Variants in BCAM observed in about 807,000 individuals in gnomAD.
BCAM encodes the protein basal cell adhesion molecule.
In BCAM, 61 loss-of-function variants were observed where a neutral mutation model predicts 72.4. The observed-to-expected ratio is 0.84, with a 90% CI of 0.69 to 1.04. The LOEUF (loss-of-function observed/expected upper bound fraction) is 1.04. Among genes scored for constraint, BCAM ranks in the 50% least tolerant of loss-of-function variants. The pLI, the probability that BCAM is intolerant of heterozygous loss-of-function variation, is 0.00. For missense variants in BCAM, 909 were observed against 895.0 expected, an observed-to-expected ratio of 1.02 and a Z score of -0.20; for synonymous variants, 408 against 384.2, an observed-to-expected ratio of 1.06 and a Z score of -0.73.
At chr19:44,819,251 C>T in intron 11 of BCAM, 59 bp downstream of exon 11, 1 of 1,611,076 alleles carries the variant, frequency 6.2e-7, no homozygotes, top group Non-Finnish European at 8.5e-7. Context: ...ATCACACCCT[C>T]CTTTCCACTT....
chr19:44,812,718 G>A lies in BCAM; in HGVS notation c.504+170G>A. 1.4e-6 allele frequency: 1 copy of A among 716,884 alleles called. No individual in the cohort carries two copies. Among genetic ancestry groups the A allele is most frequent in the African/African-American group, 1.8e-5 (1 of 55,914 alleles). The allele number at this position is 716,884 out of a possible 1,614,324, so 44.4% of individuals were successfully genotyped here. A position where few individuals can be genotyped will look rare whatever the true frequency, so the allele number is the denominator to read the frequency against. ...TAATCCCAGCATTTTGGGAGGCAGA[G>A]GCAGGCGGATCACCTGAGGTCAGGA... On this transcript the variant is annotated intron_variant, in intron 4 of 14. Coordinates refer to ENST00000270233, the MANE Select transcript of BCAM (RefSeq NM_005581.5). The surrounding 1 kb of genome is among the most constrained non-coding windows in gnomAD (Gnocchi z 5.3).
At chr19:44,819,277 G>A (rs113651096) in intron 11 of BCAM, 69 bp from the exon 12 acceptor site, 14 of 1,610,062 alleles carry the variant, frequency 8.7e-6, no homozygotes, top group South Asian at 3.3e-5. Context: ...GAGACTGGAC[G>A]TCGTTCACCT....
At position 44,814,141 on chromosome 19, in the gene BCAM, C is replaced by A; in HGVS notation, c.785-11C>A. 6.3e-7 allele frequency: 1 copy of A among 1,576,654 alleles called. No homozygotes were observed. The highest frequency in any genetic ancestry group is 1.1e-5 in the South Asian group (1 of 87,814). ...CTGATCACAATTCCCATCTCCCTGC[C>A]CTTCCCTTAGATCCCACGGAGCACG... On this transcript the variant is annotated splice_polypyrimidine_tract_variant and intron_variant, in intron 6 of 14. Transcript: ENST00000270233. This position sits in a 1 kb window ranked among gnomAD's most constrained non-coding sequence, Gnocchi z 4.6.
chr19:44,814,659 G>T lies in BCAM; in HGVS notation c.977G>T (p.Gly326Val). 6.2e-7 allele frequency: 1 copy of T among 1,614,170 alleles called. No homozygotes were observed. The highest frequency in any genetic ancestry group is 8.5e-7 in the Non-Finnish European group (1 of 1,180,040). The change falls in exon 8 of 15, where the codon GGA (glycine) becomes GTA (valine). Residue 326 changes from glycine to valine, a missense_variant. Transcript: ENST00000270233. This position sits in a 1 kb window ranked among gnomAD's most constrained non-coding sequence, Gnocchi z 4.6. Reference protein sequence around the residue: ...VNLEGNLTLEGVTRGQSGTYG... With the variant: ...VNLEGNLTLEVVTRGQSGTYG... ...CTCGAGGGGAACTTGACCCTGGAGG[G>T]AGTGACCCGGGGCCAGAGCGGGACC... is the stretch of plus-strand genomic sequence containing the variant.
chr19:44,809,136 G>A lies in BCAM; in HGVS notation c.12G>A (p.Pro4=), dbSNP rs1968382975. The A allele has an allele frequency of 1.4e-6, 2 of 1,459,366 alleles. No homozygotes were observed. Among genetic ancestry groups the A allele is most frequent in the South Asian group, 2.6e-5 (2 of 76,366 alleles). 90.4% of individuals were successfully genotyped at this position (1,459,366 alleles called of 1,614,324 possible). The change falls in exon 1 of 15, where the codon CCG becomes CCA. Residue 4 remains proline (P), a synonymous_variant. Transcript: ENST00000270233. ...CCGCCGCCGTGAACATGGAGCCCCC[G>A]GACGCACCGGCCCAGGCGCGCGGGG... MEP[P]DAPAQARGAP... is the part of the protein sequence containing the mutation.
Position 44,812,805 on chromosome 19 carries a change from C to T in BCAM, c.504+257C>T. The T allele has an allele frequency of 2.0e-6, 1 of 503,716 alleles. No individual in the cohort carries two copies. Among genetic ancestry groups the T allele is most frequent in the South Asian group, 2.3e-5 (1 of 43,682 alleles). 31.2% of individuals were successfully genotyped at this position (503,716 alleles called of 1,614,324 possible). A position where few individuals can be genotyped will look rare whatever the true frequency, so the allele number is the denominator to read the frequency against. On this transcript the variant is annotated intron_variant, in intron 4 of 14. Coordinates refer to ENST00000270233, the MANE Select transcript of BCAM (RefSeq NM_005581.5). This position sits in a 1 kb window ranked among gnomAD's most constrained non-coding sequence, Gnocchi z 5.3. ...TCTCTACTAAAGATACAAAAATTAG[C>T]TGGGTGTGTTGGTGTGCAACTGTAA...
chr19:44,820,899 C>A lies in BCAM; in HGVS notation c.1882-17C>A. 3 of 1,559,958 alleles carry A rather than the reference C, an allele frequency of 1.9e-6. No homozygotes were observed. Among genetic ancestry groups the A allele is most frequent in the Non-Finnish European group, 2.6e-6 (3 of 1,152,876 alleles). On this transcript the variant is annotated splice_polypyrimidine_tract_variant and intron_variant, in intron 14 of 14. Coordinates refer to ENST00000270233, the MANE Select transcript of BCAM (RefSeq NM_005581.5). ...CACGCCCGTGGGCACAGGCTGACCT[C>A]TCCATCCGCTCCCCAGTGCTGAGCC...
Position 44,819,092 on chromosome 19 carries a change from A to G in BCAM, c.1373A>G (p.Lys458Arg). The part of the protein sequence containing the change: ...PELKTAEIEP[K>R]ADGSWREGDE... ...CTAAAGACAGCGGAAATAGAGCCCA[A>G]GGCAGATGGCAGCTGGAGGGAAGGA... The change falls in exon 11 of 15, where the codon AAG (lysine) becomes AGG (arginine). Residue 458 changes from lysine (K) to arginine (R), a missense_variant. Lys to Arg is a conservative substitution (Grantham distance 26, BLOSUM62 2). Transcript: ENST00000270233. The G allele has an allele frequency of 6.2e-7, 1 of 1,614,050 alleles. No individual in the cohort carries two copies.
At chr19:44,820,168 C>T (rs868402134) in intron 13 of BCAM, 8 of 1,018,472 alleles carry the variant, frequency 7.9e-6, no homozygotes, top group Middle Eastern at 4.9e-4. Context: ...CATCCCCATC[C>T]TCCCCCAACC....
At position 44,812,543 on chromosome 19, in the gene BCAM, CAGG is replaced by C; in HGVS notation, c.503_504+1del. The C allele has an allele frequency of 1.2e-6, 2 of 1,614,160 alleles. No individual in the cohort carries two copies. Among genetic ancestry groups the C allele is most frequent in the Non-Finnish European group, 1.7e-6 (2 of 1,179,998 alleles). On this transcript the variant is annotated inframe_deletion and splice_region_variant, in exon 4 of 15. Transcript: ENST00000270233. The surrounding 1 kb of genome is among the most constrained non-coding windows in gnomAD (Gnocchi z 5.3). ...ACTGTCTGTGATGGAGGACTCTGCC[CAGG>C]AGGTACCTCTCGGGTGGACCTTGGC...
intron 8 of BCAM, among the ~76,000 whole-genome samples, chr19:44,816,495 CAG>C (rs952919001): frequency 6.6e-6 from 1 of 152,162 alleles, no homozygotes; most frequent in African/African-American, 2.4e-5. Context: ...AGGCAGCTCC[CAG>C]AGAGGGGTGA....
Position 44,818,361 on chromosome 19 carries a change from G to A in BCAM, c.1079-161G>A, listed in dbSNP as rs1206400513. On this transcript the variant is annotated intron_variant, in intron 8 of 14. Transcript: ENST00000270233. The surrounding 1 kb of genome is among the most constrained non-coding windows in gnomAD (Gnocchi z 4.6). ...GATTTTTGGTTGGAGAGCCTGGATG[G>A]GAGAATGGAGATTTCATGGAGATGG... Among the ~76,000 whole-genome samples the A allele has an allele frequency of 6.6e-6, 1 of 152,054 alleles. No homozygotes were observed. The highest frequency in any genetic ancestry group is 2.4e-5 in the African/African-American group (1 of 41,390).
chr19:44,819,044 C>T lies in BCAM; in HGVS notation c.1337-12C>T, dbSNP rs1968541405. On this transcript the variant is annotated splice_polypyrimidine_tract_variant and intron_variant, in intron 10 of 14. Coordinates refer to ENST00000270233, the MANE Select transcript of BCAM (RefSeq NM_005581.5). ...TCTCCCTTCACTTTCTTCCCATCCC[C>T]ACCACCCACAGGCTCGCCAGAGCTA... 2.5e-6 allele frequency: 4 copies of T among 1,613,340 alleles called. No homozygotes were observed. Among genetic ancestry groups the T allele is most frequent in the Non-Finnish European group, 3.4e-6 (4 of 1,179,442 alleles).
intron 13 of BCAM, 53 bp downstream of exon 13, chr19:44,819,779 C>A: frequency 6.6e-7 from 1 of 1,513,742 alleles, no homozygotes. Flanking sequence ...CATCCCCACC[C>A]TCAACCCCAA....
In BCAM at chr19:44,820,771, G is replaced by A; in HGVS notation, c.1830G>A (p.Met610Ile). ...AACCAGAGCAGACCGGCCTTCTCAT[G>A]GGAGGTGCCTCCGGAGGAGCCAGGG... ...SEQPEQTGLL[M>I]GGASGGARGG... The change falls in exon 14 of 15, where the codon ATG becomes ATA. Residue 610 changes from methionine (M) to isoleucine (I), a missense_variant. By Grantham distance (10) the Met-to-Ile change is conservative (BLOSUM62 1). Transcript: ENST00000270233. 6.6e-7 allele frequency: 1 copy of A among 1,506,738 alleles called. No homozygotes were observed. The highest frequency in any genetic ancestry group is 8.9e-7 in the Non-Finnish European group (1 of 1,123,322). 93.3% of individuals were successfully genotyped at this position (1,506,738 alleles called of 1,614,324 possible). A position where few individuals can be genotyped will look rare whatever the true frequency, so the allele number is the denominator to read the frequency against.
rs777443990 is a variant in BCAM at position 44,819,723 on chromosome 19, C to T, written c.1760C>T (p.Ala587Val). Reference protein sequence around the residue: ...PCCRQRREKGAPPPGEPGLSH... With the variant: ...PCCRQRREKGVPPPGEPGLSH... The stretch of plus-strand genomic sequence containing the variant: ...TGCCGCCAGCGGCGGGAGAAGGGGG[C>T]TCCGTGAGTGGCCTGCTATCTGCAA... Residue 587 changes from alanine to valine, a missense_variant, in exon 13 of 15, where the codon GCT becomes GTT. By Grantham distance (64) the Ala-to-Val change is moderately conservative. Coordinates refer to ENST00000270233, the MANE Select transcript of BCAM (RefSeq NM_005581.5). 5.6e-6 allele frequency: 9 copies of T among 1,599,164 alleles called. No individual in the cohort carries two copies. Among genetic ancestry groups the T allele is most frequent in the Middle Eastern group, 1.7e-4 (1 of 5,924 alleles).
Position 44,819,720 on chromosome 19 carries a change from G to A in BCAM, c.1757G>A (p.Gly586Glu), listed in dbSNP as rs2122569694. Residue 586 changes from glycine to glutamate, a missense_variant, in exon 13 of 15, where the codon GGG (glycine) becomes GAG (glutamate). Physicochemically the swap from Gly to Glu is moderately conservative, Grantham distance 98. Transcript: ENST00000270233. Reference sequence around the variant, plus strand: ...TGCTGCCGCCAGCGGCGGGAGAAGGGGGCTCCGTGAGTGGCCTGCTATCTG... The same window carrying A: ...TGCTGCCGCCAGCGGCGGGAGAAGGAGGCTCCGTGAGTGGCCTGCTATCTG... Reference protein sequence around the residue: ...GPCCRQRREKGAPPPGEPGLS... With the variant: ...GPCCRQRREKEAPPPGEPGLS... 6.2e-7 allele frequency: 1 copy of A among 1,601,328 alleles called. No individual in the cohort carries two copies. Among genetic ancestry groups the A allele is most frequent in the Non-Finnish European group, 8.5e-7 (1 of 1,175,396 alleles).
At chr19:44,816,395 G>C (rs1265058522) in intron 8 of BCAM, among the ~76,000 whole-genome samples, 1 of 152,234 alleles carries the variant, frequency 6.6e-6, no homozygotes, top group Admixed American at 6.5e-5. Flanking sequence ...GTTGTCCCCA[G>C]TTGGGGTGAG....
At position 44,813,617 on chromosome 19, in the gene BCAM, CA is replaced by C; in HGVS notation, c.782del (p.His261ProfsTer54). 1 of 1,611,560 alleles carries C rather than the reference CA, an allele frequency of 6.2e-7. No individual in the cohort carries two copies. The highest frequency in any genetic ancestry group is 8.5e-7 in the Non-Finnish European group (1 of 1,179,476). On this transcript the variant is annotated frameshift_variant and splice_region_variant, in exon 6 of 15. Transcript: ENST00000270233. LOFTEE classifies it high-confidence loss of function. This position sits in a 1 kb window ranked among gnomAD's most constrained non-coding sequence, Gnocchi z 4.2. The part of the protein sequence containing the change: ...LDSPTFHLTL[H>X]YPTEHVQFWV... ...CAGCCCCACCTTCCACCTCACCCTGCACTGTGAGTCTGTGCTGGCCTTTGAC... is the reference window on the plus strand; with the variant it reads ...CAGCCCCACCTTCCACCTCACCCTGCCTGTGAGTCTGTGCTGGCCTTTGAC...
Sources: gnomAD v4.1 joint callset for allele counts (sites outside exome capture counted in the v4.1 genomes callset) on GRCh38, gnomAD v4.1.1 for gene constraint, Gnocchi (gnomAD v3.1) non-coding constraint, MANE v1.5 for transcripts, NCBI Gene and HGNC (gene_info 2026-07-23, HGNC 2026-07-21) for gene names.